The following PARP14 variants were observed in gnomAD, a reference collection of about 807,000 sequenced individuals.
The protein encoded by PARP14 is poly(ADP-ribose) polymerase family member 14.
A neutral mutation model predicts 154.2 loss-of-function variants in PARP14; 59 were observed. The ratio of observed to expected loss-of-function variants is 0.38; its 90% CI spans 0.31 to 0.48. The LOEUF is 0.48. Among genes scored for constraint, PARP14 ranks in the 20% least tolerant of loss-of-function variants. The pLI is 0.98. For missense variants in PARP14, 1,734 were observed against 2,131.6 expected, an observed-to-expected ratio of 0.81 and a Z score of 3.67; for synonymous variants, 720 against 780.5, an observed-to-expected ratio of 0.92 and a Z score of 1.29.
In PARP14 at chr3:122,718,629, C is replaced by A; in HGVS notation, c.4478C>A (p.Pro1493His). 1 of 1,613,772 alleles carries A rather than the reference C, an allele frequency of 6.2e-7. No homozygotes were observed. Among genetic ancestry groups the A allele is most frequent in the Middle Eastern group, 1.6e-4 (1 of 6,062 alleles). ...NINISLDHKR[P>H]LIKVLGISRD... ...AACATTTCCCTGGACCATAAGAGAC[C>A]TTTGATTAAGGTTTTGGGAATTAGC... The change falls in exon 14 of 17, where the codon CCT (proline) becomes CAT (histidine). Residue 1493 changes from proline to histidine, a missense_variant. Coordinates refer to ENST00000474629, the MANE Select transcript of PARP14 (RefSeq NM_017554.3).
chr3:122,683,739 A>G (rs1938286703), intron 1 of PARP14, among the ~76,000 whole-genome samples: 1 of 152,164 alleles, frequency 6.6e-6, no homozygotes, highest in African/African-American at 2.4e-5. Flanking sequence ...ATTATTACCA[A>G]CTGTTCTCCT....
intron 8 of PARP14, among the ~76,000 whole-genome samples, chr3:122,705,414 A>G (rs1337486430): frequency 6.6e-6 from 1 of 152,232 alleles, no homozygotes; most frequent in Non-Finnish European, 1.5e-5. Flanking sequence ...GGCCTTATCA[A>G]TAGGAAGATG....
intron 5 of PARP14, among the ~76,000 whole-genome samples, chr3:122,696,356 C>T (rs963254531): frequency 2.6e-5 from 4 of 152,110 alleles, no homozygotes; most frequent in African/African-American, 9.7e-5. Context: ...CAGGGTGGGG[C>T]ATGACATAGG....
chr3:122,689,316 A>T (rs1327896065), intron 3 of PARP14, among the ~76,000 whole-genome samples: 5 of 151,960 alleles, frequency 3.3e-5, no homozygotes, highest in Non-Finnish European at 7.4e-5. Context: ...ATAGAGACCT[A>T]TTTATTTTAT....
At chr3:122,719,329 A>G (rs1933099414) in intron 14 of PARP14, among the ~76,000 whole-genome samples, 1 of 152,208 alleles carries the variant, frequency 6.6e-6, no homozygotes, top group African/African-American at 2.4e-5. Flanking sequence ...CTAGAACAAA[A>G]AAGGCCAAGG....
intron 3 of PARP14, among the ~76,000 whole-genome samples, 184 bp downstream of exon 3, chr3:122,687,297 C>T (rs1407066070): frequency 2.0e-5 from 3 of 152,180 alleles, no homozygotes; most frequent in South Asian, 2.1e-4. Flanking sequence ...TGGCTTTTAG[C>T]GCTCAGGTCA....
chr3:122,725,524 C>G (rs1254245788), intron 15 of PARP14, among the ~76,000 whole-genome samples: 1 of 152,154 alleles, frequency 6.6e-6, no homozygotes, highest in Non-Finnish European at 1.5e-5. Flanking sequence ...TTGTTTCATC[C>G]TATAGAATAC....
chr3:122,700,871 A>G lies in PARP14; in HGVS notation c.2317A>G (p.Ile773Val). Residue 773 changes from isoleucine to valine, a missense_variant, in exon 6 of 17, where the codon ATT becomes GTT. Ile to Val is a conservative substitution (Grantham distance 29, BLOSUM62 3). Around this residue, in one of 2 missense-constraint regions of PARP14, gnomAD observed 1,646 missense variants for 1,976.0 expected, o/e 0.83. Coordinates refer to ENST00000474629, the MANE Select transcript of PARP14 (RefSeq NM_017554.3). ...SEIKRLFGCYIELQENEVMKE... is the reference protein window; with the variant it reads ...SEIKRLFGCYVELQENEVMKE... ...GATCAAACGGTTGTTTGGTTGTTACATTGAACTACAGGAGAATGAAGTAAT... is the reference window on the plus strand; with the variant it reads ...GATCAAACGGTTGTTTGGTTGTTACGTTGAACTACAGGAGAATGAAGTAAT... 1.2e-6 allele frequency: 2 copies of G among 1,614,044 alleles called. No homozygotes were observed. The highest frequency in any genetic ancestry group is 1.7e-6 in the Non-Finnish European group (2 of 1,179,890).
At chr3:122,697,298 G>A (rs528786193) in intron 5 of PARP14, among the ~76,000 whole-genome samples, 18 of 152,178 alleles carry the variant, frequency 1.2e-4, no homozygotes, top group Middle Eastern at 3.4e-3. Context: ...GCATAGCTTC[G>A]CAGGTTATTA....
Position 122,699,964 on chromosome 3 carries a change from A to T in PARP14, c.1410A>T (p.Lys470Asn), listed in dbSNP as rs755961199. Residue 470 changes from lysine to asparagine, a missense_variant, in exon 6 of 17, where the codon AAA becomes AAT. By Grantham distance (94) the Lys-to-Asn change is moderately conservative. This residue lies in a region of PARP14 where 1,646 missense variants were observed against 1,976.0 expected (regional missense o/e 0.83). Transcript: ENST00000474629. ...GGGAAGAGCAAAGTTTGAAGGAAAA[A>T]ATGATCATTTCTCCAGGCAGGTATT... ...IKREEQSLKE[K>N]MIISPGRYFL... 1 of 1,613,960 alleles carries T rather than the reference A, an allele frequency of 6.2e-7. No individual in the cohort carries two copies. Among genetic ancestry groups the T allele is most frequent in the South Asian group, 1.1e-5 (1 of 91,078 alleles).
chr3:122,692,587 C>T (rs1560052620), intron 4 of PARP14, 44 bp downstream of exon 4: 1 of 1,545,160 alleles, frequency 6.5e-7, no homozygotes. Flanking sequence ...CTTTGTACCA[C>T]ATCATGAGAC....
chr3:122,703,594 A>C, intron 6 of PARP14, 148 bp from the exon 7 acceptor site: 1 of 589,106 alleles, frequency 1.7e-6, no homozygotes, highest in Non-Finnish European at 3.0e-6. Context: ...ATTTAGTCAC[A>C]CTTTGTCTTA....
chr3:122,690,050 C>T (rs890348410), intron 3 of PARP14, among the ~76,000 whole-genome samples: 1 of 152,184 alleles, frequency 6.6e-6, no homozygotes, highest in African/African-American at 2.4e-5. Context: ...ACTTCCTCCT[C>T]TTCTCTCAAG....
chr3:122,702,466 T>A (rs910102147), intron 6 of PARP14, among the ~76,000 whole-genome samples: 2 of 152,190 alleles, frequency 1.3e-5, no homozygotes, highest in Non-Finnish European at 2.9e-5. Context: ...GTGATCCGCC[T>A]GCTTCAGCCT....
chr3:122,681,194 C>T lies in PARP14; in HGVS notation c.187+124C>T. On this transcript the variant is annotated intron_variant, in intron 1 of 16. Transcript: ENST00000474629. The surrounding 1 kb of genome is among the most constrained non-coding windows in gnomAD (Gnocchi z 5.5). ...CGGCGGCTGCTGTAGCGGAGGTGGC[C>T]GGGGCGGGGGCGGGGGCGGGGGCGG... 1 of 65,702 alleles carries T rather than the reference C, an allele frequency of 1.5e-5. No homozygotes were observed. The highest frequency in any genetic ancestry group is 3.5e-4 in the South Asian group (1 of 2,888). The allele number at this position is 65,702 out of a possible 1,614,324, so 4.1% of individuals were successfully genotyped here. A position where few individuals can be genotyped will look rare whatever the true frequency, so the allele number is the denominator to read the frequency against.
At position 122,692,405 on chromosome 3, in the gene PARP14, G is replaced by C; in HGVS notation, c.460G>C (p.Glu154Gln). The change falls in exon 4 of 17, where the codon GAA becomes CAA. Residue 154 changes from glutamate to glutamine, a missense_variant. Glu to Gln is a conservative substitution (Grantham distance 29, BLOSUM62 2). Around this residue, in one of 2 missense-constraint regions of PARP14, gnomAD observed 1,646 missense variants for 1,976.0 expected, o/e 0.83. Coordinates refer to ENST00000474629, the MANE Select transcript of PARP14 (RefSeq NM_017554.3). ...CENISSLVAF[E>Q]NLKANVTDIM... ...AAATATTTCCTCTTTGGTGGCATTTGAAAACCTCAAGGCAAATGTGACTGA... is the reference window on the plus strand; with the variant it reads ...AAATATTTCCTCTTTGGTGGCATTTCAAAACCTCAAGGCAAATGTGACTGA... 2 of 1,613,884 alleles carry C rather than the reference G, an allele frequency of 1.2e-6. No homozygotes were observed. Among genetic ancestry groups the C allele is most frequent in the South Asian group, 1.1e-5 (1 of 91,080 alleles).
Position 122,704,590 on chromosome 3 carries a change from G to A in PARP14, c.3382G>A (p.Ala1128Thr). 3 of 1,608,506 alleles carry A rather than the reference G, an allele frequency of 1.9e-6. No homozygotes were observed. Among genetic ancestry groups the A allele is most frequent in the Non-Finnish European group, 2.5e-6 (3 of 1,177,134 alleles). ...TGAGAGCTTGTCCTTAAAATCAATT[G>A]CATTTCCAGCAATAGGAACAGGAAA... ...ITESLSLKSIAFPAIGTGNLG... is the reference protein window; with the variant it reads ...ITESLSLKSITFPAIGTGNLG... Residue 1128 changes from alanine (A) to threonine (T), a missense_variant, in exon 8 of 17, where the codon GCA (alanine) becomes ACA (threonine). Around this residue, in one of 2 missense-constraint regions of PARP14, gnomAD observed 1,646 missense variants for 1,976.0 expected, o/e 0.83. Coordinates refer to ENST00000474629, the MANE Select transcript of PARP14 (RefSeq NM_017554.3).
chr3:122,699,497 C>T lies in PARP14; in HGVS notation c.943C>T (p.Leu315=). Residue 315 remains leucine, a synonymous_variant, in exon 6 of 17, where the codon CTG becomes TTG. Transcript: ENST00000474629. ...AGCCTTGTATGGAAAGGAGAAGCCT[C>T]TGATCAAGCTTCCAGCACCATTTGA... ...GTALYGKEKP[L]IKLPAPFEES... 6.2e-7 allele frequency: 1 copy of T among 1,613,848 alleles called. No individual in the cohort carries two copies. Among genetic ancestry groups the T allele is most frequent in the African/African-American group, 1.3e-5 (1 of 75,054 alleles).
chr3:122,703,072 T>C (rs1028548739), intron 6 of PARP14, among the ~76,000 whole-genome samples: 4 of 151,066 alleles, frequency 2.6e-5, no homozygotes, highest in African/African-American at 9.8e-5. Context: ...CTCCCATAGA[T>C]GCTTAGCTTC....
Sources: gnomAD v4.1 joint callset for allele counts (sites outside exome capture counted in the v4.1 genomes callset) on GRCh38, gnomAD v4.1.1 for gene constraint, gnomAD v4.1.1 regional missense constraint, Gnocchi (gnomAD v3.1) non-coding constraint, MANE v1.5 for transcripts, NCBI Gene and HGNC (gene_info 2026-07-23, HGNC 2026-07-21) for gene names.